Variants in SLC2A9 observed in about 807,000 individuals in gnomAD.
The protein encoded by SLC2A9 is solute carrier family 2 member 9.
SLC2A9 carries 39 observed loss-of-function variants against 50.6 expected under a neutral mutation model. The ratio of observed to expected loss-of-function variants is 0.77; its 90% CI spans 0.60 to 1.01. The LOEUF is 1.01. Ranked by LOEUF, SLC2A9 falls within the 50% of genes least tolerant of loss-of-function variation. SLC2A9 has a pLI of 0.00. For missense variants in SLC2A9, 686 were observed against 677.6 expected (o/e 1.01, Z -0.14); for synonymous variants, 324 against 276.9 (o/e 1.17, Z -1.69).
downstream of SLC2A9, among the ~76,000 whole-genome samples, chr4:9,777,988 A>C (rs1717788935): frequency 6.6e-6 from 1 of 152,208 alleles, no homozygotes; most frequent in South Asian, 2.1e-4. Context: ...TTCAGTAGAC[A>C]AAAGGCAATT....
chr4:9,965,809 C>T (rs1048269949), intron 5 of SLC2A9, among the ~76,000 whole-genome samples: 2 of 152,000 alleles, frequency 1.3e-5, no homozygotes, highest in Admixed American at 6.6e-5. Context: ...TTGAAAGTTT[C>T]GATGACATAA....
chr4:9,983,489 G>A (rs1756226458), intron 4 of SLC2A9, among the ~76,000 whole-genome samples: 1 of 152,182 alleles, frequency 6.6e-6, no homozygotes, highest in Non-Finnish European at 1.5e-5. Context: ...CCTGGCCCAG[G>A]GTGGGAAGCC....
intron 10 of SLC2A9, among the ~76,000 whole-genome samples, chr4:9,873,626 C>T (rs533212928): frequency 3.9e-5 from 6 of 152,270 alleles, no homozygotes; most frequent in Non-Finnish European, 7.4e-5. Context: ...TCAAGTTACC[C>T]TTCTCAGTGC....
intron 3 of SLC2A9, among the ~76,000 whole-genome samples, chr4:9,996,291 T>A (rs1198775045): frequency 6.6e-6 from 1 of 152,236 alleles, no homozygotes; most frequent in African/African-American, 2.4e-5. Context: ...AGCAGATCTG[T>A]ATGTACTTAC....
intron 8 of SLC2A9, among the ~76,000 whole-genome samples, chr4:9,898,569 A>G (rs1223802072): frequency 6.6e-6 from 1 of 152,236 alleles, no homozygotes; most frequent in Admixed American, 6.5e-5. Flanking sequence ...AGCGTCCTAC[A>G]TGAGTTCTTC....
At chr4:9,822,069 A>G (rs1048486146), downstream of SLC2A9, among the ~76,000 whole-genome samples, 1 of 152,136 alleles carries the variant, frequency 6.6e-6, no homozygotes, top group Admixed American at 6.5e-5. Context: ...GTCTGTAGGG[A>G]TATTGCCTCT....
intron 3 of SLC2A9, among the ~76,000 whole-genome samples, chr4:9,805,241 G>A (rs990530639): frequency 2.0e-5 from 3 of 152,230 alleles, no homozygotes; most frequent in Non-Finnish European, 4.4e-5. Flanking sequence ...AGGCTGATGG[G>A]TCAACCTCTC....
At chr4:10,033,822 A>C (rs942812098) in intron 1 of SLC2A9, among the ~76,000 whole-genome samples, 1 of 152,222 alleles carries the variant, frequency 6.6e-6, no homozygotes, top group Non-Finnish European at 1.5e-5. Context: ...TGGTGTCCGA[A>C]ATCCAGGGCG....
chr4:9,991,836 C>A (rs1261685508), intron 3 of SLC2A9, among the ~76,000 whole-genome samples: 1 of 152,158 alleles, frequency 6.6e-6, no homozygotes, highest in Admixed American at 6.5e-5. Context: ...TTGATCTTGG[C>A]CTTCCAGCCT....
At chr4:9,946,745 C>T (rs1749247667) in intron 5 of SLC2A9, among the ~76,000 whole-genome samples, 1 of 152,162 alleles carries the variant, frequency 6.6e-6, no homozygotes, top group Non-Finnish European at 1.5e-5. Flanking sequence ...TAAGAACAGT[C>T]CAGAATGTCA....
At chr4:9,987,499 T>C (rs572751647) in intron 3 of SLC2A9, among the ~76,000 whole-genome samples, 10 of 152,300 alleles carry the variant, frequency 6.6e-5, no homozygotes, top group South Asian at 2.1e-4. Context: ...TTATTTTTTT[T>C]CCTATAGACT....
chr4:9,935,239 T>C (rs1200311148), intron 6 of SLC2A9, among the ~76,000 whole-genome samples: 1 of 152,236 alleles, frequency 6.6e-6, no homozygotes, highest in Non-Finnish European at 1.5e-5. Flanking sequence ...CCACACTGCC[T>C]TCCTCAATGG....
intron 3 of SLC2A9, among the ~76,000 whole-genome samples, chr4:9,994,564 C>CTTT (rs35574155): frequency 6.4e-4 from 85 of 131,840 alleles, no homozygotes; most frequent in African/African-American, 2.1e-3. Flanking sequence ...TTTCCTTTTC[C>CTTT]TTTTTTTTTT....
rs776223445 is a variant in SLC2A9, at chr4:9,996,900, A to G, written c.291T>C (p.His97=). ...AFYNESWERR[H]GRPIDPDTLT... is the part of the protein sequence containing the mutation. ...GAGTGTCTGGGTCTATTGGACGTCC[A>G]TGCCTTCTTTCCCATGACTCATTGT... is the stretch of plus-strand genomic sequence containing the variant. Residue 97 remains histidine, a synonymous_variant, in exon 3 of 12, where the codon CAT becomes CAC. Transcript: ENST00000264784. 1.4e-5 allele frequency: 23 copies of G among 1,614,074 alleles called. No homozygotes were observed. The highest frequency in any genetic ancestry group is 2.7e-5 in the African/African-American group (2 of 74,950).
rs549330939 is a variant in SLC2A9, at chr4:9,879,740, C to A, written c.1291+7827G>T. 10 of 985,422 alleles carry A rather than the reference C, an allele frequency of 1.0e-5. No homozygotes were observed. In the East Asian group the frequency reaches 4.5e-4, roughly 45 times the overall value. The allele number at this position is 985,422 out of a possible 1,614,324, so 61.0% of individuals were successfully genotyped here. On this transcript the variant is annotated intron_variant, in intron 10 of 11. Transcript: ENST00000264784. ...AGAGGACTTAACTTGGTGCCAGGCACAGAGTCAGGGCTTCATGTGATTTTT... is the reference window on the plus strand; with the variant it reads ...AGAGGACTTAACTTGGTGCCAGGCAAAGAGTCAGGGCTTCATGTGATTTTT...
intron 6 of SLC2A9, among the ~76,000 whole-genome samples, chr4:9,933,244 T>G (rs939996872): frequency 6.6e-6 from 1 of 152,214 alleles, no homozygotes; most frequent in African/African-American, 2.4e-5. Flanking sequence ...GAGGAGCTTC[T>G]TTTAGGCTTC....
intron 10 of SLC2A9, among the ~76,000 whole-genome samples, chr4:9,845,050 G>T (rs182645180): frequency 6.6e-6 from 1 of 151,458 alleles, no homozygotes; most frequent in Admixed American, 6.6e-5. Context: ...GTCTCGCTCT[G>T]TTGTCCAGGC....
At chr4:10,015,876 A>G (rs1762527933) in intron 2 of SLC2A9, among the ~76,000 whole-genome samples, 1 of 152,224 alleles carries the variant, frequency 6.6e-6, no homozygotes, top group Non-Finnish European at 1.5e-5. Context: ...TGCGCCTGGC[A>G]TGCAGTACAT....
rs113188799 is a variant in SLC2A9, at chr4:9,987,978, A to G, written c.411-2185T>C. ...AGTCTTCTATGCCACCATAAGAACT[A>G]GCGTTTCCCCCCTGGGGGAGATAGC... On this transcript the variant is annotated intron_variant, in intron 3 of 11. Transcript: ENST00000264784. 4.5e-3 allele frequency among the ~76,000 whole-genome samples: 688 copies of G among 152,390 alleles called. 3 individuals are homozygous for G. Among genetic ancestry groups the G allele is most frequent in the Middle Eastern group, 0.02 (6 of 294 alleles).
Sources: allele counts gnomAD v4.1 joint callset (sites outside exome capture counted in the v4.1 genomes callset), GRCh38; gene constraint gnomAD v4.1.1; transcripts MANE v1.5; gene names NCBI Gene and HGNC (gene_info 2026-07-23, HGNC 2026-07-21).